Variants in TMEM132D observed in about 807,000 individuals in gnomAD.
The protein encoded by TMEM132D is transmembrane protein 132D.
A neutral mutation model predicts 62.3 loss-of-function variants in TMEM132D; 21 were observed. The observed-to-expected ratio is 0.34, with a 90% CI of 0.24 to 0.49. The LOEUF is 0.49. TMEM132D is among the 20% of genes least tolerant of loss of function. The pLI, the probability that TMEM132D is intolerant of heterozygous loss-of-function variation, is 0.99. For synonymous variants in TMEM132D, 621 were observed against 575.6 expected (o/e 1.08, Z -1.13); for missense variants, 1,346 against 1,402.8 (o/e 0.96, Z 0.65).
intron 4 of TMEM132D, among the ~76,000 whole-genome samples, chr12:129,257,363 C>T (rs1334097618): frequency 2.0e-5 from 3 of 151,984 alleles, no homozygotes; most frequent in East Asian, 1.9e-4. Context: ...CCCGCCACCA[C>T]GACCGGCTAA....
At chr12:129,628,988 C>A (rs1879289840) in intron 2 of TMEM132D, among the ~76,000 whole-genome samples, 1 of 151,560 alleles carries the variant, frequency 6.6e-6, no homozygotes, top group Admixed American at 6.6e-5. Flanking sequence ...TTTCTCTCTG[C>A]CCCTCTGTCT....
chr12:129,473,845 G>A (rs762696920), intron 3 of TMEM132D, among the ~76,000 whole-genome samples: 4 of 152,160 alleles, frequency 2.6e-5, no homozygotes, highest in Non-Finnish European at 4.4e-5. Flanking sequence ...TTATTCACAT[G>A]CCTAGCAAAA....
chr12:129,588,740 A>ATTTTTTTTTTTTT (rs71451320), intron 2 of TMEM132D, among the ~76,000 whole-genome samples: 19 of 31,122 alleles, frequency 6.1e-4, no homozygotes, highest in African/African-American at 1.9e-3. Context: ...ACGCCCAGCT[A>ATTTTTTTTTTTTT]TTTTTTTCTT....
chr12:129,253,555 C>G (rs1488191098), intron 4 of TMEM132D, among the ~76,000 whole-genome samples: 2 of 152,218 alleles, frequency 1.3e-5, no homozygotes, highest in Non-Finnish European at 2.9e-5. Flanking sequence ...TCAACTGTGT[C>G]TGTCCACTGG....
rs183318729 is a variant in TMEM132D at position 129,317,524 on chromosome 12, T to C, written c.1299+20110A>G. On this transcript the variant is annotated intron_variant, in intron 4 of 8. Coordinates refer to ENST00000422113, the MANE Select transcript of TMEM132D (RefSeq NM_133448.3). Reference sequence around the variant, plus strand: ...GCTGAGAAATCTGCTGTTAATCCGATAGGATTTCCTTTATAGGTTACCTGG... The same window carrying C: ...GCTGAGAAATCTGCTGTTAATCCGACAGGATTTCCTTTATAGGTTACCTGG... Among the ~76,000 whole-genome samples the C allele has an allele frequency of 2.9e-3, 444 of 152,348 alleles. 2 individuals carry two copies. Among genetic ancestry groups the C allele is most frequent in the African/African-American group, 0.01 (425 of 41,582 alleles).
At chr12:129,846,476 T>C (rs118054121) in intron 1 of TMEM132D, among the ~76,000 whole-genome samples, 4 of 152,318 alleles carry the variant, frequency 2.6e-5, no homozygotes, top group Non-Finnish European at 4.4e-5. Context: ...CTTCTGAATG[T>C]CATTATTTCT....
chr12:129,543,100 AAGATGGAT>A (rs1295290422), intron 2 of TMEM132D, among the ~76,000 whole-genome samples: 13 of 147,254 alleles, frequency 8.8e-5, no homozygotes, highest in African/African-American at 1.0e-4. Context: ...ATAGATTAGA[AAGATGGAT>A]AGATGGATAG....
intron 3 of TMEM132D, among the ~76,000 whole-genome samples, chr12:129,518,074 T>C (rs1036937510): frequency 2.0e-5 from 3 of 152,174 alleles, no homozygotes; most frequent in African/African-American, 4.8e-5. Flanking sequence ...GCAATAACTT[T>C]CAAAGAAAGT....
At chr12:129,771,156 T>C (rs1226960381) in intron 1 of TMEM132D, among the ~76,000 whole-genome samples, 1 of 152,212 alleles carries the variant, frequency 6.6e-6, no homozygotes, top group East Asian at 1.9e-4. Flanking sequence ...TGAAGCACGC[T>C]CACCACTCTA....
intron 1 of TMEM132D, among the ~76,000 whole-genome samples, chr12:129,829,526 A>T (rs1467985271): frequency 6.6e-6 from 1 of 152,036 alleles, no homozygotes; most frequent in Non-Finnish European, 1.5e-5. Flanking sequence ...GGTCACCCAA[A>T]CTCAGGGCCT....
At chr12:129,624,881 G>C (rs1879170292) in intron 2 of TMEM132D, among the ~76,000 whole-genome samples, 1 of 152,240 alleles carries the variant, frequency 6.6e-6, no homozygotes, top group Non-Finnish European at 1.5e-5. Context: ...TCAGGCACAG[G>C]GCAGAGTGGA....
intron 3 of TMEM132D, among the ~76,000 whole-genome samples, chr12:129,426,409 T>C (rs1246381743): frequency 6.6e-6 from 1 of 152,054 alleles, no homozygotes; most frequent in Non-Finnish European, 1.5e-5. Flanking sequence ...TTTAAATGCC[T>C]ATTATTCTCC....
intron 5 of TMEM132D, among the ~76,000 whole-genome samples, chr12:129,136,539 G>A (rs575309848): frequency 3.9e-5 from 6 of 152,310 alleles, no homozygotes; most frequent in South Asian, 2.1e-4. Flanking sequence ...CATCATATCA[G>A]AAGGTACATT....
At chr12:129,306,929 C>G (rs1177279607) in intron 4 of TMEM132D, among the ~76,000 whole-genome samples, 1 of 152,120 alleles carries the variant, frequency 6.6e-6, no homozygotes, top group Non-Finnish European at 1.5e-5. Flanking sequence ...ATGAGCAGTT[C>G]TAGGAATCCG....
At chr12:129,227,473 C>T (rs183299341) in intron 4 of TMEM132D, among the ~76,000 whole-genome samples, 223 of 149,420 alleles carry the variant, frequency 1.5e-3, no homozygotes, top group African/African-American at 5.4e-3. Flanking sequence ...TAAGAGAAAG[C>T]CACATGAATG....
chr12:129,799,961 C>T (rs531072441), intron 1 of TMEM132D, among the ~76,000 whole-genome samples: 2 of 152,128 alleles, frequency 1.3e-5, no homozygotes, highest in African/African-American at 4.8e-5. Context: ...GATGGTGGCA[C>T]AGAAATACTT....
chr12:129,787,221 T>C (rs2137295664), intron 1 of TMEM132D, among the ~76,000 whole-genome samples: 1 of 152,290 alleles, frequency 6.6e-6, no homozygotes, highest in East Asian at 1.9e-4. Context: ...TTTATAGATA[T>C]TAACATTTTG....
At chr12:129,761,186 T>C (rs1197996431) in intron 1 of TMEM132D, among the ~76,000 whole-genome samples, 2 of 152,094 alleles carry the variant, frequency 1.3e-5, no homozygotes, top group Non-Finnish European at 1.5e-5. Flanking sequence ...CCAGAGTCAC[T>C]TGGATCTGTA....
At chr12:129,798,058 C>A (rs1419267925) in intron 1 of TMEM132D, among the ~76,000 whole-genome samples, 1 of 152,112 alleles carries the variant, frequency 6.6e-6, no homozygotes, top group Non-Finnish European at 1.5e-5. Flanking sequence ...GTGTGGCACC[C>A]TCCTCCTCTC....
Sources: allele counts gnomAD v4.1 joint callset (sites outside exome capture counted in the v4.1 genomes callset), GRCh38; gene constraint gnomAD v4.1.1; transcripts MANE v1.5; gene names NCBI Gene and HGNC (gene_info 2026-07-23, HGNC 2026-07-21).